Variants in SYT16 observed in about 807,000 individuals in gnomAD.
The protein encoded by SYT16 is synaptotagmin-16.
SYT16 carries 42 observed loss-of-function variants against 61.4 expected under a neutral mutation model. The ratio of observed to expected loss-of-function variants is 0.68; its 90% CI spans 0.53 to 0.89. The LOEUF (loss-of-function observed/expected upper bound fraction) is 0.89. Among genes scored for constraint, SYT16 ranks in the 40% least tolerant of loss-of-function variants. The pLI is 0.00. For missense variants in SYT16, 804 were observed against 807.3 expected (o/e 1.00, Z 0.05); for synonymous variants, 314 against 302.3 (o/e 1.04, Z -0.40).
intron 3 of SYT16, among the ~76,000 whole-genome samples, chr14:62,003,775 G>T (rs76834413): frequency 0.045 from 6,833 of 152,218 alleles, 174 homozygotes; most frequent in African/African-American, 0.057. Flanking sequence ...GTTCTGTGAT[G>T]TGTAAGATAT....
At chr14:61,812,599 C>G, upstream of SYT16, 1 of 148,836 alleles carries the variant, frequency 6.7e-6, no homozygotes, top group South Asian at 1.8e-4. Flanking sequence ...CTCAGGACGC[C>G]GGCGGCGGCC....
Position 62,075,386 on chromosome 14 carries a change from C to A in SYT16, c.988C>A (p.Pro330Thr), listed in dbSNP as rs1468094736. ...YATDSSSMWS[P>T]EEQDRTNLQV... is the part of the protein sequence containing the mutation. ...CACTGACAGCTCCTCCATGTGGAGT[C>A]CAGAGGCAAGTTATTTGTTTTTCAT... Residue 330 changes from proline to threonine, a missense_variant, in exon 5 of 8, where the codon CCA becomes ACA. Transcript: ENST00000683842. The A allele has an allele frequency of 3.1e-6, 5 of 1,600,790 alleles. No individual in the cohort carries two copies. The highest frequency in any genetic ancestry group is 4.3e-6 in the Non-Finnish European group (5 of 1,169,640).
chr14:62,054,211 G>A (rs79159494), intron 3 of SYT16, among the ~76,000 whole-genome samples: 10,546 of 151,992 alleles, frequency 0.069, 465 homozygotes, highest in East Asian at 0.12. Context: ...AAATGGAGAA[G>A]AGTTATTTAT....
intron 1 of SYT16, among the ~76,000 whole-genome samples, chr14:61,835,465 G>A (rs1238603766): frequency 2.0e-5 from 3 of 151,488 alleles, no homozygotes; most frequent in African/African-American, 7.3e-5. Context: ...TCATTATGTT[G>A]GCCAGGCTGG....
chr14:61,868,400 CTTAT>C (rs1007216383), intron 1 of SYT16, among the ~76,000 whole-genome samples: 7 of 151,588 alleles, frequency 4.6e-5, no homozygotes, highest in African/African-American at 7.3e-5. Context: ...ATATTTTGCT[CTTAT>C]TTGTCAGATT....
At chr14:61,983,192 T>C (rs1234285316) in intron 2 of SYT16, among the ~76,000 whole-genome samples, 1 of 152,146 alleles carries the variant, frequency 6.6e-6, no homozygotes, top group Admixed American at 6.5e-5. Flanking sequence ...TTTGGAGTAA[T>C]AGGTTTAAAA....
intron 7 of SYT16, among the ~76,000 whole-genome samples, chr14:62,084,588 A>T (rs1394401098): frequency 6.6e-6 from 1 of 152,252 alleles, no homozygotes; most frequent in Non-Finnish European, 1.5e-5. Flanking sequence ...GTTTCTGGAC[A>T]TGAAATAGAC....
At chr14:61,989,450 C>T (rs572652428) in intron 2 of SYT16, among the ~76,000 whole-genome samples, 2 of 152,240 alleles carry the variant, frequency 1.3e-5, no homozygotes, top group South Asian at 2.1e-4. Flanking sequence ...GTAATCCCAG[C>T]TACTTGGGAG....
intron 2 of SYT16, among the ~76,000 whole-genome samples, chr14:61,991,695 C>G (rs943566897): frequency 1.9e-4 from 29 of 152,114 alleles, no homozygotes; most frequent in Non-Finnish European, 2.9e-5. Context: ...TGGCTTCTTT[C>G]CAATTATTCT....
intron 3 of SYT16, among the ~76,000 whole-genome samples, chr14:62,053,066 C>T (rs147896056): frequency 5.0e-3 from 765 of 152,146 alleles, no homozygotes; most frequent in Non-Finnish European, 7.6e-3. Context: ...TGCTAGAAGA[C>T]GCCAAAATTG....
chr14:62,063,959 G>T (rs2055942695), intron 3 of SYT16, among the ~76,000 whole-genome samples: 1 of 152,126 alleles, frequency 6.6e-6, no homozygotes, highest in African/African-American at 2.4e-5. Flanking sequence ...TCTGAGATCT[G>T]TCTGAATTCT....
rs776143627 is a variant in SYT16, at chr14:62,084,277, G to A, written c.1516G>A (p.Ala506Thr). Residue 506 changes from alanine (A) to threonine (T), a missense_variant, in exon 7 of 8, where the codon GCG (alanine) becomes ACG (threonine). Coordinates refer to ENST00000683842, the MANE Select transcript of SYT16 (RefSeq NM_001367656.1). Reference sequence around the variant, plus strand: ...CACGCAGTCGCTGTCTCATGGAGGGGCGCCAGAGCTGTTGGTGGGGCTCTC... The same window carrying A: ...CACGCAGTCGCTGTCTCATGGAGGGACGCCAGAGCTGTTGGTGGGGCTCTC... ...SSTQSLSHGGAPELLVGLSYN... is the reference protein window; with the variant it reads ...SSTQSLSHGGTPELLVGLSYN... 3.3e-5 allele frequency: 54 copies of A among 1,613,800 alleles called. No homozygotes were observed. Among genetic ancestry groups the A allele is most frequent in the Non-Finnish European group, 4.4e-5 (52 of 1,179,876 alleles).
rs112951688 is a variant in SYT16 at position 61,911,397 on chromosome 14, C to G, written c.-324-58735C>G. ...TTTGGCCAATTTGGAGGGGCATTCA[C>G]ATTCTTACAGTTCTGGATTATATCA... On this transcript the variant is annotated intron_variant, in intron 1 of 7. Coordinates refer to ENST00000683842, the MANE Select transcript of SYT16 (RefSeq NM_001367656.1). 2.6e-3 allele frequency among the ~76,000 whole-genome samples: 395 copies of G among 152,340 alleles called. 3 individuals are homozygous for G. Among genetic ancestry groups the G allele is most frequent in the African/African-American group, 9.2e-3 (381 of 41,582 alleles).
At chr14:62,017,136 A>C (rs548740124) in intron 3 of SYT16, among the ~76,000 whole-genome samples, 27 of 152,302 alleles carry the variant, frequency 1.8e-4, no homozygotes, top group Admixed American at 1.4e-3. Context: ...AAAAAAAGAA[A>C]ATTTGTGAAA....
Position 61,826,262 on chromosome 14 carries a change from T to C in SYT16, c.-325+13452T>C, listed in dbSNP as rs111641318. ...CATGTGGACATGCTAGTTCGCCTCA[T>C]GTGCACATTTTTGGGATGTGGGAGG... On this transcript the variant is annotated intron_variant, in intron 1 of 7. Transcript: ENST00000683842. Among the ~76,000 whole-genome samples, 683 of 152,102 alleles carry C rather than the reference T, an allele frequency of 4.5e-3. 6 individuals carry two copies. Among genetic ancestry groups the C allele is most frequent in the Non-Finnish European group, 7.7e-3 (524 of 68,026 alleles).
At chr14:61,849,637 G>A (rs535867499) in intron 1 of SYT16, among the ~76,000 whole-genome samples, 3 of 151,942 alleles carry the variant, frequency 2.0e-5, no homozygotes, top group South Asian at 2.1e-4. Context: ...CAATCACTAT[G>A]CTCTCCCTCC....
intron 1 of SYT16, among the ~76,000 whole-genome samples, chr14:61,822,801 C>T (rs1230502492): frequency 6.6e-6 from 1 of 152,032 alleles, no homozygotes; most frequent in East Asian, 1.9e-4. Flanking sequence ...CACAGGAAGT[C>T]AGGATGATGC....
chr14:61,934,763 TGA>T (rs1181321927), intron 1 of SYT16, among the ~76,000 whole-genome samples: 3 of 152,208 alleles, frequency 2.0e-5, no homozygotes, highest in African/African-American at 7.2e-5. Context: ...TTGTTCTAGT[TGA>T]CCTCTGAGGT....
chr14:62,041,713 G>T (rs939064556), intron 3 of SYT16, among the ~76,000 whole-genome samples: 3 of 152,034 alleles, frequency 2.0e-5, no homozygotes, highest in Non-Finnish European at 4.4e-5. Flanking sequence ...CACCATATGG[G>T]CCATTATTTT....
Sources: allele counts gnomAD v4.1 joint callset (sites outside exome capture counted in the v4.1 genomes callset), GRCh38; gene constraint gnomAD v4.1.1; transcripts MANE v1.5; gene names NCBI Gene and HGNC (gene_info 2026-07-23, HGNC 2026-07-21).